TNIK: variants seen among roughly 807,000 people sequenced by gnomAD.
TNIK encodes TRAF2 and NCK-interacting protein kinase.
Under a neutral mutation model 191.3 loss-of-function variants are expected in TNIK, and 49 were observed. That is an observed-to-expected ratio of 0.26 (90% CI 0.20 to 0.32). TNIK has a LOEUF of 0.32. TNIK is among the 10% of genes least tolerant of loss of function. The probability of loss-of-function intolerance (pLI) is 1.00; values close to 1 mark genes in which losing one functional copy is unlikely to be tolerated. For missense variants in TNIK, 1,155 were observed against 1,702.3 expected (o/e 0.68, Z 5.66); for synonymous variants, 594 against 600.9 (o/e 0.99, Z 0.17).
intron 12 of TNIK, among the ~76,000 whole-genome samples, chr3:171,146,799 A>T (rs1731656865): frequency 6.6e-6 from 1 of 151,144 alleles, no homozygotes; most frequent in Non-Finnish European, 1.5e-5. Flanking sequence ...CTGAGGCAGG[A>T]GAATTGCTTG....
At chr3:171,079,756 T>C in intron 27 of TNIK, 104 bp from the exon 28 acceptor site, 1 of 1,359,422 alleles carries the variant, frequency 7.4e-7, no homozygotes, top group Non-Finnish European at 9.8e-7. Flanking sequence ...CGTGTGTGTG[T>C]GTGTGTATGA....
At chr3:171,116,298 C>T (rs1328297604) in intron 18 of TNIK, among the ~76,000 whole-genome samples, 3 of 152,148 alleles carry the variant, frequency 2.0e-5, no homozygotes, top group Non-Finnish European at 2.9e-5. Flanking sequence ...TAATAGATAT[C>T]CCTTGTTCAC....
intron 3 of TNIK, among the ~76,000 whole-genome samples, chr3:171,224,835 AAG>A (rs1345086035): frequency 6.6e-6 from 1 of 152,150 alleles, no homozygotes; most frequent in African/African-American, 2.4e-5. Flanking sequence ...TTCAAACTAT[AAG>A]ATCTTCAAGG....
intron 21 of TNIK, among the ~76,000 whole-genome samples, chr3:171,102,604 A>T (rs1723764175): frequency 6.6e-6 from 1 of 152,164 alleles, no homozygotes; most frequent in Admixed American, 6.5e-5. Context: ...AATGGGGAAA[A>T]AGCAATTTGA....
chr3:171,302,834 T>C (rs1483910913), intron 2 of TNIK, among the ~76,000 whole-genome samples: 2 of 152,182 alleles, frequency 1.3e-5, no homozygotes, highest in South Asian at 2.1e-4. Context: ...CTGCAGGAAA[T>C]ATAGAGCTAT....
chr3:171,285,031 T>A (rs1750865061), intron 2 of TNIK, among the ~76,000 whole-genome samples: 1 of 152,236 alleles, frequency 6.6e-6, no homozygotes, highest in South Asian at 2.1e-4. Context: ...CCTTGAGAAC[T>A]AAGTTATCAT....
At chr3:171,187,785 G>T (rs1737540191) in intron 7 of TNIK, among the ~76,000 whole-genome samples, 1 of 152,096 alleles carries the variant, frequency 6.6e-6, no homozygotes, top group African/African-American at 2.4e-5. Flanking sequence ...ATTTACAGAG[G>T]ATCATTAAAG....
chr3:171,407,437 A>G (rs1211955808), intron 1 of TNIK, among the ~76,000 whole-genome samples: 2 of 152,122 alleles, frequency 1.3e-5, no homozygotes, highest in Non-Finnish European at 2.9e-5. Flanking sequence ...TCTCATTTTA[A>G]TTGGAATGGG....
At chr3:171,356,420 C>G (rs1276367465) in intron 2 of TNIK, among the ~76,000 whole-genome samples, 1 of 152,166 alleles carries the variant, frequency 6.6e-6, no homozygotes, top group Non-Finnish European at 1.5e-5. Context: ...TACAAAAACA[C>G]AGTGTCCCCA....
intron 1 of TNIK, among the ~76,000 whole-genome samples, chr3:171,431,786 C>A (rs999805807): frequency 6.6e-6 from 1 of 152,152 alleles, no homozygotes; most frequent in African/African-American, 2.4e-5. Context: ...AATTCAAACA[C>A]ATGAAGATTA....
chr3:171,391,186 T>C (rs1258965521), intron 1 of TNIK, among the ~76,000 whole-genome samples: 1 of 152,234 alleles, frequency 6.6e-6, no homozygotes, highest in Non-Finnish European at 1.5e-5. Context: ...TTGTCTTTCA[T>C]CTAGACTGTA....
At chr3:171,378,184 C>G (rs956803770) in intron 1 of TNIK, among the ~76,000 whole-genome samples, 2 of 152,122 alleles carry the variant, frequency 1.3e-5, no homozygotes, top group Admixed American at 6.5e-5. Flanking sequence ...AAGCTAGTTT[C>G]TTTTTTTCCT....
At chr3:171,168,464 A>G (rs777727144) in intron 9 of TNIK, among the ~76,000 whole-genome samples, 2 of 152,178 alleles carry the variant, frequency 1.3e-5, no homozygotes, top group Non-Finnish European at 2.9e-5. Context: ...AATGGAGAGC[A>G]TGTTCTTCAA....
chr3:171,295,176 G>A (rs1752147577), intron 2 of TNIK, among the ~76,000 whole-genome samples: 1 of 152,140 alleles, frequency 6.6e-6, no homozygotes, highest in Non-Finnish European at 1.5e-5. Flanking sequence ...TCTGACCTAG[G>A]AGAAAAAGTG....
chr3:171,155,707 C>T (rs1422275749), intron 12 of TNIK, among the ~76,000 whole-genome samples: 1 of 152,218 alleles, frequency 6.6e-6, no homozygotes, highest in Non-Finnish European at 1.5e-5. Flanking sequence ...GAACCCAGGT[C>T]AAAGGCGAGC....
chr3:171,367,781 C>A (rs1046380271), intron 2 of TNIK, among the ~76,000 whole-genome samples: 1 of 152,114 alleles, frequency 6.6e-6, no homozygotes, highest in Non-Finnish European at 1.5e-5. Flanking sequence ...GGCCCCAAAG[C>A]ATCTCTAACT....
At chr3:171,360,254 C>G (rs758230203) in intron 2 of TNIK, among the ~76,000 whole-genome samples, 1 of 152,210 alleles carries the variant, frequency 6.6e-6, no homozygotes, top group Non-Finnish European at 1.5e-5. Context: ...GTGCATGTGT[C>G]TACATCCTTC....
intron 19 of TNIK, 82 bp from the exon 20 acceptor site, chr3:171,108,244 G>T: frequency 9.1e-7 from 1 of 1,100,430 alleles, no homozygotes; most frequent in Non-Finnish European, 1.3e-6. Context: ...TATCTGTGAT[G>T]TGTCATCACA....
chr3:171,458,571 T>A (rs1030136713), intron 1 of TNIK, among the ~76,000 whole-genome samples: 2 of 152,200 alleles, frequency 1.3e-5, no homozygotes, highest in Admixed American at 6.5e-5. Flanking sequence ...GGAAAAGGTT[T>A]AATTAAGGAG....
Sources: gnomAD v4.1 joint callset for allele counts (sites outside exome capture counted in the v4.1 genomes callset) on GRCh38, gnomAD v4.1.1 for gene constraint, MANE v1.5 for transcripts, NCBI Gene and HGNC (gene_info 2026-07-23, HGNC 2026-07-21) for gene names.